Variants in PXDNL observed in about 807,000 individuals in gnomAD.
The protein encoded by PXDNL is probable oxidoreductase PXDNL.
In PXDNL, 145 loss-of-function variants were observed where a neutral mutation model predicts 150.8. That is an observed-to-expected ratio of 0.96 (90% CI 0.84 to 1.10). The LOEUF (loss-of-function observed/expected upper bound fraction) is 1.10, where lower values mean the gene tolerates loss of function less well. PXDNL is among the 50% of genes least tolerant of loss of function. The pLI is 0.00. For missense variants in PXDNL, 2,087 were observed against 1,873.9 expected (o/e 1.11, Z -2.10); for synonymous variants, 757 against 725.7 (o/e 1.04, Z -0.69).
chr8:51,750,010 A>G (rs1053418503), intron 1 of PXDNL, among the ~76,000 whole-genome samples: 5 of 152,084 alleles, frequency 3.3e-5, no homozygotes, highest in African/African-American at 1.2e-4. Context: ...CACTAAACTT[A>G]TTTTTTAAAA....
chr8:51,638,983 G>C (rs1814674697), intron 2 of PXDNL, among the ~76,000 whole-genome samples: 1 of 152,130 alleles, frequency 6.6e-6, no homozygotes, highest in Non-Finnish European at 1.5e-5. Context: ...TAAAAGAACA[G>C]AAATTACAAC....
intron 17 of PXDNL, among the ~76,000 whole-genome samples, chr8:51,387,003 T>C (rs74952163): frequency 1.3e-5 from 2 of 152,204 alleles, no homozygotes; most frequent in Non-Finnish European, 2.9e-5. Context: ...TGAAGTCCAT[T>C]ACGATGTGAG....
chr8:51,760,213 C>T lies in PXDNL; in HGVS notation c.164+48968G>A, dbSNP rs529431684. Among the ~76,000 whole-genome samples, 26 of 152,272 alleles carry T rather than the reference C, an allele frequency of 1.7e-4. 1 individual carries two copies. Among genetic ancestry groups the T allele is most frequent in the African/African-American group, 6.3e-4 (26 of 41,554 alleles). ...GAGTAAAAGTATATATTAATACTTACACAAGTACAAGTTAAGTTTCACACT... is the reference window on the plus strand; with the variant it reads ...GAGTAAAAGTATATATTAATACTTATACAAGTACAAGTTAAGTTTCACACT... On this transcript the variant is annotated intron_variant, in intron 1 of 22. Coordinates refer to ENST00000356297, the MANE Select transcript of PXDNL (RefSeq NM_144651.5).
At chr8:51,580,206 T>C (rs992833361) in intron 3 of PXDNL, among the ~76,000 whole-genome samples, 8 of 152,060 alleles carry the variant, frequency 5.3e-5, no homozygotes, top group Admixed American at 2.0e-4. Flanking sequence ...ATGAGGGACC[T>C]TGGGTGATAG....
chr8:51,337,282 A>G (rs1229271161), intron 21 of PXDNL, among the ~76,000 whole-genome samples: 3 of 152,340 alleles, frequency 2.0e-5, no homozygotes, highest in Admixed American at 1.3e-4. Flanking sequence ...TTGAACTGAA[A>G]TGTTGCTCAT....
At chr8:51,439,130 A>G (rs939768885) in intron 12 of PXDNL, among the ~76,000 whole-genome samples, 1 of 152,212 alleles carries the variant, frequency 6.6e-6, no homozygotes, top group Non-Finnish European at 1.5e-5. Context: ...TCAGCAGAGT[A>G]AACAGACAAC....
At chr8:51,743,934 A>T (rs1378467981) in intron 1 of PXDNL, among the ~76,000 whole-genome samples, 1 of 39,474 alleles carries the variant, frequency 2.5e-5, no homozygotes, top group Non-Finnish European at 7.9e-5. Flanking sequence ...GAAGGAAGGA[A>T]GGAAGGAGAG....
In PXDNL at chr8:51,522,533, T is replaced by C. The variant is rs183664517; in HGVS notation, c.381-22763A>G. ...AAAATATAATATGTCCATTTTCTTC[T>C]ATTGTAATTGGCCTTATAAGAGAAT... On this transcript the variant is annotated intron_variant, in intron 4 of 22. Coordinates refer to ENST00000356297, the MANE Select transcript of PXDNL (RefSeq NM_144651.5). 1.8e-3 allele frequency among the ~76,000 whole-genome samples: 279 copies of C among 152,328 alleles called. 3 individuals are homozygous for C. Among genetic ancestry groups the C allele is most frequent in the Middle Eastern group, 6.8e-3 (2 of 292 alleles).
At chr8:51,675,405 G>A (rs950339684) in intron 1 of PXDNL, among the ~76,000 whole-genome samples, 5 of 152,070 alleles carry the variant, frequency 3.3e-5, no homozygotes, top group African/African-American at 9.7e-5. Context: ...CACCACCTTG[G>A]AATCAGACAG....
At chr8:51,347,956 T>C (rs771833744) in intron 19 of PXDNL, among the ~76,000 whole-genome samples, 1 of 152,142 alleles carries the variant, frequency 6.6e-6, no homozygotes. Context: ...GAAAGTGAAC[T>C]TCAATCGTAA....
At chr8:51,628,159 T>G (rs1036883804) in intron 2 of PXDNL, among the ~76,000 whole-genome samples, 1 of 152,022 alleles carries the variant, frequency 6.6e-6, no homozygotes, top group African/African-American at 2.4e-5. Flanking sequence ...AGGACTGAAC[T>G]CAGGCTCAGA....
intron 12 of PXDNL, among the ~76,000 whole-genome samples, chr8:51,434,811 T>C (rs1162206875): frequency 6.6e-6 from 1 of 152,186 alleles, no homozygotes; most frequent in African/African-American, 2.4e-5. Flanking sequence ...CACAGATCAG[T>C]TTGCCATAGA....
chr8:51,538,319 T>C (rs906847168), intron 4 of PXDNL, among the ~76,000 whole-genome samples: 1 of 152,230 alleles, frequency 6.6e-6, no homozygotes, highest in Non-Finnish European at 1.5e-5. Flanking sequence ...TGTACATTTA[T>C]AGTGTGTTTG....
At chr8:51,786,873 T>G (rs2037465190) in intron 1 of PXDNL, among the ~76,000 whole-genome samples, 1 of 152,172 alleles carries the variant, frequency 6.6e-6, no homozygotes, top group African/African-American at 2.4e-5. Context: ...GCTTCAAAAC[T>G]TTGAAGGACA....
At chr8:51,778,619 C>T (rs141466985) in intron 1 of PXDNL, among the ~76,000 whole-genome samples, 2 of 152,302 alleles carry the variant, frequency 1.3e-5, no homozygotes, top group Non-Finnish European at 2.9e-5. Context: ...ATACAGGCTC[C>T]AAGAGACTGC....
At chr8:51,788,481 A>G (rs2037480524) in intron 1 of PXDNL, among the ~76,000 whole-genome samples, 1 of 152,368 alleles carries the variant, frequency 6.6e-6, no homozygotes, top group Non-Finnish European at 1.5e-5. Context: ...ATGAAAAACC[A>G]GGAGTAGAAA....
chr8:51,562,513 G>A (rs946986049), intron 3 of PXDNL, among the ~76,000 whole-genome samples: 1 of 151,880 alleles, frequency 6.6e-6, no homozygotes, highest in Non-Finnish European at 1.5e-5. Context: ...TAAAATTTTG[G>A]GGAAATGCTT....
At chr8:51,728,029 T>TC (rs1816846325) in intron 1 of PXDNL, among the ~76,000 whole-genome samples, 2 of 152,254 alleles carry the variant, frequency 1.3e-5, no homozygotes, top group Non-Finnish European at 2.9e-5. Flanking sequence ...ACACATTAAA[T>TC]ACAGTCATGC....
chr8:51,520,691 C>T (rs1307559802), intron 4 of PXDNL, among the ~76,000 whole-genome samples: 1 of 152,156 alleles, frequency 6.6e-6, no homozygotes, highest in African/African-American at 2.4e-5. Flanking sequence ...CCTGCCCTCA[C>T]AGCCAACAAA....
Sources: gnomAD v4.1 joint callset for allele counts (sites outside exome capture counted in the v4.1 genomes callset) on GRCh38, gnomAD v4.1.1 for gene constraint, MANE v1.5 for transcripts, NCBI Gene and HGNC (gene_info 2026-07-23, HGNC 2026-07-21) for gene names.